INPP5A: variants seen among roughly 807,000 people sequenced by gnomAD.
The protein encoded by INPP5A is inositol polyphosphate-5-phosphatase A, also known as 43 kDa inositol polyphosphate 5-phophatase.
INPP5A carries 14 observed loss-of-function variants against 65.2 expected under a neutral mutation model. That is an observed-to-expected ratio of 0.21 (90% CI 0.14 to 0.34). The LOEUF (loss-of-function observed/expected upper bound fraction) is 0.34, where lower values mean the gene tolerates loss of function less well. INPP5A is among the 10% of genes least tolerant of loss of function. The pLI is 1.00. For synonymous variants in INPP5A, 207 were observed against 208.3 expected, an observed-to-expected ratio of 0.99 and a Z score of 0.05; for missense variants, 431 against 545.6, an observed-to-expected ratio of 0.79 and a Z score of 2.09.
chr10:132,748,560 T>C (rs1846413466), intron 9 of INPP5A, among the ~76,000 whole-genome samples: 1 of 152,222 alleles, frequency 6.6e-6, no homozygotes. Flanking sequence ...CTCTTACCTT[T>C]AGGGACTGAC....
rs760246003 is a variant in INPP5A at position 132,658,039 on chromosome 10, T to G, written c.306+7534T>G. Among the ~76,000 whole-genome samples the G allele has an allele frequency of 6.0e-4, 91 of 152,354 alleles. 4 individuals are homozygous for G. The highest frequency in any genetic ancestry group is 2.2e-4 in the Non-Finnish European group (15 of 68,034). Reference sequence around the variant, plus strand: ...AGTGAAGGTGAAACTGTCATATCGATCTTTTTAGCACTAAAATATGAGCCA... The same window carrying G: ...AGTGAAGGTGAAACTGTCATATCGAGCTTTTTAGCACTAAAATATGAGCCA... On this transcript the variant is annotated intron_variant, in intron 4 of 15. Coordinates refer to ENST00000368594, the MANE Select transcript of INPP5A (RefSeq NM_005539.5).
At chr10:132,542,829 G>T (rs1423310813) in intron 1 of INPP5A, among the ~76,000 whole-genome samples, 1 of 152,120 alleles carries the variant, frequency 6.6e-6, no homozygotes, top group African/African-American at 2.4e-5. Context: ...TTTCACACAG[G>T]GTCTCATTCT....
In INPP5A at chr10:132,749,618, C is replaced by A; in HGVS notation, c.828+6C>A. ...AGTCGGACAACGACCGGAAGGTGAG[C>A]GGGGCCTGTGACTGGGCAGGTGACG... is the stretch of plus-strand genomic sequence containing the variant. On this transcript the variant is annotated splice_donor_region_variant and intron_variant, in intron 10 of 15. Transcript: ENST00000368594. 2 of 1,612,310 alleles carry A rather than the reference C, an allele frequency of 1.2e-6. No individual in the cohort carries two copies. Among genetic ancestry groups the A allele is most frequent in the Non-Finnish European group, 1.7e-6 (2 of 1,179,572 alleles).
chr10:132,568,911 ATTTT>A (rs1171904388), intron 1 of INPP5A, among the ~76,000 whole-genome samples: 31 of 129,050 alleles, frequency 2.4e-4, no homozygotes, highest in Non-Finnish European at 4.2e-4. Flanking sequence ...TCTTACCGGC[ATTTT>A]TTTTTTTTTT....
chr10:132,547,370 G>A lies in INPP5A; in HGVS notation c.75+9199G>A, dbSNP rs1210857852. ...CCTCTTCCTGGCGTCAGGTGTTCTC[G>A]GCGGCCTCTCGGTAACAGCCTGGCC... is the stretch of plus-strand genomic sequence containing the variant. On this transcript the variant is annotated intron_variant, in intron 1 of 15. Transcript: ENST00000368594. The surrounding 1 kb of genome is among the most constrained non-coding windows in gnomAD (Gnocchi z 5.5). Among the ~76,000 whole-genome samples, 2 of 152,194 alleles carry A rather than the reference G, an allele frequency of 1.3e-5. No individual in the cohort carries two copies. The highest frequency in any genetic ancestry group is 4.8e-5 in the African/African-American group (2 of 41,452).
chr10:132,715,768 G>T (rs963246703), intron 8 of INPP5A, among the ~76,000 whole-genome samples: 5 of 152,234 alleles, frequency 3.3e-5, no homozygotes, highest in Non-Finnish European at 5.9e-5. Flanking sequence ...TCACACTCCC[G>T]CTGGCCTCGG....
chr10:132,752,349 C>G (rs1198246662), intron 11 of INPP5A, among the ~76,000 whole-genome samples: 1 of 151,348 alleles, frequency 6.6e-6, no homozygotes, highest in Non-Finnish European at 1.5e-5. Flanking sequence ...AAGAGGGAGG[C>G]TCCCTCAGCC....
intron 1 of INPP5A, among the ~76,000 whole-genome samples, chr10:132,569,387 C>G (rs564223611): frequency 6.6e-6 from 1 of 152,254 alleles, no homozygotes; most frequent in South Asian, 2.1e-4. Flanking sequence ...GGGTCTCGCC[C>G]TGTTGCATAG....
chr10:132,616,955 C>T lies in INPP5A; in HGVS notation c.117+8999C>T, dbSNP rs2072042675. Among the ~76,000 whole-genome samples the T allele has an allele frequency of 6.6e-6, 1 of 152,054 alleles. No homozygotes were observed. Among genetic ancestry groups the T allele is most frequent in the African/African-American group, 2.4e-5 (1 of 41,378 alleles). On this transcript the variant is annotated intron_variant, in intron 2 of 15. Coordinates refer to ENST00000368594, the MANE Select transcript of INPP5A (RefSeq NM_005539.5). This position sits in a 1 kb window ranked among gnomAD's most constrained non-coding sequence, Gnocchi z 4.9. ...TTGCTGCGCTGGTGGGGAGAGGCCG[C>T]CTGAGGTCCTTCGAAGCAGCCTGGG...
chr10:132,579,435 A>C (rs1366492684), intron 1 of INPP5A, among the ~76,000 whole-genome samples: 1 of 151,972 alleles, frequency 6.6e-6, no homozygotes, highest in East Asian at 1.9e-4. Flanking sequence ...TGGGAGCAGT[A>C]GGGGTGTGGG....
At chr10:132,703,717 A>ACAC (rs1845480037) in intron 6 of INPP5A, among the ~76,000 whole-genome samples, 1 of 54,230 alleles carries the variant, frequency 1.8e-5, no homozygotes, top group Non-Finnish European at 3.2e-5. Context: ...CCCCCCCCAC[A>ACAC]CACTCACGGC....
chr10:132,594,609 G>C (rs1222244696), intron 1 of INPP5A, among the ~76,000 whole-genome samples: 1 of 152,140 alleles, frequency 6.6e-6, no homozygotes, highest in Non-Finnish European at 1.5e-5. Context: ...TGTGTGGGGT[G>C]CGTTTGTGTG....
At chr10:132,609,220 C>T (rs1479805094) in intron 2 of INPP5A, among the ~76,000 whole-genome samples, 1 of 152,214 alleles carries the variant, frequency 6.6e-6, no homozygotes, top group Non-Finnish European at 1.5e-5. Flanking sequence ...CATATATTTA[C>T]AAATCGAAAT....
At chr10:132,608,759 C>T (rs1019668296) in intron 2 of INPP5A, among the ~76,000 whole-genome samples, 5 of 152,216 alleles carry the variant, frequency 3.3e-5, no homozygotes, top group African/African-American at 7.2e-5. Flanking sequence ...CTCAGACCCA[C>T]GCAAGGGCTG....
chr10:132,563,008 C>T (rs764984861), intron 1 of INPP5A, among the ~76,000 whole-genome samples: 8 of 152,170 alleles, frequency 5.3e-5, no homozygotes, highest in Admixed American at 1.3e-4. Context: ...GGGGAGGGCG[C>T]GGGGAGGAGG....
At chr10:132,744,501 G>A (rs544625095) in intron 9 of INPP5A, among the ~76,000 whole-genome samples, 4 of 152,342 alleles carry the variant, frequency 2.6e-5, no homozygotes, top group Admixed American at 2.0e-4. Context: ...ATGCCCGTAG[G>A]TGTCGGGCAG....
chr10:132,541,894 G>A (rs2070910757), intron 1 of INPP5A, among the ~76,000 whole-genome samples: 1 of 152,220 alleles, frequency 6.6e-6, no homozygotes, highest in East Asian at 1.9e-4. Flanking sequence ...GATCACCCTC[G>A]GTGAGCCCTG....
rs754565491 is a variant in INPP5A at position 132,707,087 on chromosome 10, C to T, written c.475-1226C>T. 1.4e-4 allele frequency among the ~76,000 whole-genome samples: 22 copies of T among 152,222 alleles called. No homozygotes were observed. Among genetic ancestry groups the T allele is most frequent in the Non-Finnish European group, 2.4e-4 (16 of 68,038 alleles). On this transcript the variant is annotated intron_variant, in intron 6 of 15. Transcript: ENST00000368594. The surrounding 1 kb of genome is among the most constrained non-coding windows in gnomAD (Gnocchi z 5.5). ...CGTGTTAGATAGAGGGAGCACGCCA[C>T]GCTGGACCCTTTCTTCACGGGTGTT...
intron 8 of INPP5A, among the ~76,000 whole-genome samples, chr10:132,717,939 G>A (rs1845773201): frequency 7.3e-6 from 1 of 136,704 alleles, no homozygotes; most frequent in East Asian, 2.3e-4. Flanking sequence ...ACCTTAGACG[G>A]CTGTCTTGCG....
Sources: allele counts gnomAD v4.1 joint callset (sites outside exome capture counted in the v4.1 genomes callset), GRCh38; gene constraint gnomAD v4.1.1; non-coding constraint Gnocchi (gnomAD v3.1); transcripts MANE v1.5; gene names NCBI Gene and HGNC (gene_info 2026-07-23, HGNC 2026-07-21).